Variants in FRMPD4 observed in about 807,000 individuals in gnomAD.
FRMPD4 encodes the protein FERM and PDZ domain-containing protein 4.
FRMPD4 carries 22 observed loss-of-function variants against 94.1 expected under a neutral mutation model. That is an observed-to-expected ratio of 0.23 (90% CI 0.17 to 0.33). The LOEUF (loss-of-function observed/expected upper bound fraction) is 0.33, where lower values mean the gene tolerates loss of function less well. FRMPD4 is among the 10% of genes least tolerant of loss of function. FRMPD4 has a pLI of 1.00. For missense variants in FRMPD4, 1,111 were observed against 1,339.9 expected (o/e 0.83, Z 2.67); for synonymous variants, 631 against 548.6 (o/e 1.15, Z -2.10).
intron 3 of FRMPD4, among the ~76,000 whole-genome samples, chrX:11,931,145 T>C (rs150006538): frequency 1.3e-4 from 15 of 112,140 alleles, no homozygotes; most frequent in African/African-American, 3.9e-4. Context: ...CCATACAGTA[T>C]ATGTAATACT....
Position 12,342,897 on chromosome X carries a change from A to G in FRMPD4, c.42-155783A>G, listed in dbSNP as rs779310216. The stretch of plus-strand genomic sequence containing the variant: ...TCACAGATTGGGAAACCAAGTATAC[A>G]AAGAGATTAACTTGCCCAACATCAC... On this transcript the variant is annotated intron_variant, in intron 1 of 16. Transcript: ENST00000675598. 2.7e-5 allele frequency among the ~76,000 whole-genome samples: 3 copies of G among 112,238 alleles called. No homozygotes were observed. In the East Asian group the frequency reaches 8.4e-4, roughly 32 times the overall value.
intron 1 of FRMPD4, among the ~76,000 whole-genome samples, chrX:11,824,676 A>G (rs2053431289): frequency 8.9e-6 from 1 of 112,017 alleles, no homozygotes; most frequent in Non-Finnish European, 1.9e-5. Context: ...GAAAATGGGA[A>G]AAGAGACAAA....
intron 3 of FRMPD4, among the ~76,000 whole-genome samples, chrX:12,097,970 G>A (rs1601936670): frequency 1.8e-5 from 2 of 111,988 alleles, no homozygotes; most frequent in South Asian, 7.4e-4. Context: ...GATCAATTGT[G>A]TTTAACTTTT....
At chrX:12,171,663 G>A (rs1016629105) in intron 1 of FRMPD4, among the ~76,000 whole-genome samples, 3 of 112,042 alleles carry the variant, frequency 2.7e-5, no homozygotes, top group African/African-American at 9.7e-5. Flanking sequence ...TGTTGACCCA[G>A]AAGCCAAAAC....
At chrX:12,555,980 G>A (rs1368759129) in intron 2 of FRMPD4, among the ~76,000 whole-genome samples, 1 of 110,619 alleles carries the variant, frequency 9.0e-6, no homozygotes, top group Non-Finnish European at 1.9e-5. Flanking sequence ...TCAAAGATGC[G>A]ATCATAGCTA....
chrX:12,641,921 T>A (rs1435636509), intron 4 of FRMPD4, among the ~76,000 whole-genome samples: 1 of 112,184 alleles, frequency 8.9e-6, no homozygotes, highest in Non-Finnish European at 1.9e-5. Flanking sequence ...AGACTGTATC[T>A]ATGCAGAGGA....
intron 1 of FRMPD4, among the ~76,000 whole-genome samples, chrX:12,493,179 T>C (rs1437657945): frequency 9.0e-6 from 1 of 111,273 alleles, no homozygotes; most frequent in Non-Finnish European, 1.9e-5. Flanking sequence ...TTAACCCACA[T>C]TGCATGTCAA....
chrX:12,583,538 C>T, intron 2 of FRMPD4: 3 of 1,014,571 alleles, frequency 3.0e-6, no homozygotes, highest in Non-Finnish European at 4.1e-6. Context: ...TTATGATCCT[C>T]ATAACCAAAA....
In FRMPD4 at chrX:11,911,308, A is replaced by G. The variant is rs1198014295; in HGVS notation, c.95+33290A>G. Among the ~76,000 whole-genome samples, 3 of 112,437 alleles carry G rather than the reference A, an allele frequency of 2.7e-5. 1 individual carries two copies. Among genetic ancestry groups the G allele is most frequent in the Middle Eastern group, 8.3e-3 (2 of 240 alleles). On this transcript the variant is annotated intron_variant, in intron 3 of 18. Coordinates refer to the FRMPD4 transcript ENST00000640291. ...ATACTGACTTCGTTTGTCTCTGTAC[A>G]TATGTTTGGTAACTGAGAGAGGTGA...
At chrX:12,712,709 G>A (rs965903189) in intron 14 of FRMPD4, among the ~76,000 whole-genome samples, 6 of 111,849 alleles carry the variant, frequency 5.4e-5, no homozygotes, top group Non-Finnish European at 3.8e-5. Context: ...ACTGGGTTTG[G>A]CAGTAAACAT....
At chrX:12,511,312 A>G (rs1397042704) in intron 2 of FRMPD4, among the ~76,000 whole-genome samples, 1 of 111,949 alleles carries the variant, frequency 8.9e-6, no homozygotes, top group Non-Finnish European at 1.9e-5. Context: ...ACACAGATCA[A>G]TTCTCCCTCA....
At chrX:12,641,232 A>AAG (rs2059497100) in intron 4 of FRMPD4, among the ~76,000 whole-genome samples, 3 of 111,004 alleles carry the variant, frequency 2.7e-5, no homozygotes, top group African/African-American at 9.9e-5. Flanking sequence ...GCAAACATAG[A>AAG]TGCAGTATCA....
chrX:12,104,817 A>G (rs1358737540), intron 3 of FRMPD4, among the ~76,000 whole-genome samples: 2 of 111,908 alleles, frequency 1.8e-5, no homozygotes, highest in Non-Finnish European at 3.8e-5. Context: ...CAGGGCTTCT[A>G]AAGGTTAAAT....
intron 3 of FRMPD4, among the ~76,000 whole-genome samples, chrX:12,072,205 A>G (rs1394146378): frequency 9.0e-6 from 1 of 111,613 alleles, no homozygotes; most frequent in East Asian, 2.8e-4. Flanking sequence ...GTCGACTTAT[A>G]GCTGGGAACA....
At chrX:12,493,965 A>G (rs1433729835) in intron 1 of FRMPD4, among the ~76,000 whole-genome samples, 2 of 111,870 alleles carry the variant, frequency 1.8e-5, no homozygotes, top group Non-Finnish European at 3.8e-5. Context: ...TACACATAAA[A>G]CTAAAACCCA....
intron 3 of FRMPD4, among the ~76,000 whole-genome samples, chrX:11,905,410 A>G (rs1476017151): frequency 1.8e-5 from 2 of 111,945 alleles, no homozygotes; most frequent in African/African-American, 6.5e-5. Flanking sequence ...ATATTAAACC[A>G]GGAATTCCCT....
At chrX:11,854,826 G>T (rs925246957) in intron 1 of FRMPD4, among the ~76,000 whole-genome samples, 1 of 111,815 alleles carries the variant, frequency 8.9e-6, no homozygotes, top group Non-Finnish European at 1.9e-5. Context: ...GGTGCATGGT[G>T]CAAGCTGTTG....
rs760984937 is a variant in FRMPD4 at position 12,717,778 on chromosome X, G to A, written c.2952G>A (p.Val984=). Reference sequence around the variant, plus strand: ...CAACCGACCTCCCGCCCAAAGTTGTGCCTTCCAAGCAGTTACTTCACTCAG... The same window carrying A: ...CAACCGACCTCCCGCCCAAAGTTGTACCTTCCAAGCAGTTACTTCACTCAG... ...RPATDLPPKV[V]PSKQLLHSDH... Residue 984 remains valine, a synonymous_variant, in exon 16 of 17, where the codon GTG becomes GTA. Transcript: ENST00000675598. The A allele has an allele frequency of 7.1e-5, 86 of 1,210,647 alleles. No homozygotes were observed. Among genetic ancestry groups the A allele is most frequent in the Non-Finnish European group, 9.4e-5 (84 of 895,311 alleles).
intron 1 of FRMPD4, among the ~76,000 whole-genome samples, chrX:12,273,099 A>G (rs2054379692): frequency 9.0e-6 from 1 of 110,992 alleles, no homozygotes; most frequent in African/African-American, 3.3e-5. Context: ...AGAAAAAAAA[A>G]TAACTGTCAC....
Sources: gnomAD v4.1 joint callset for allele counts (sites outside exome capture counted in the v4.1 genomes callset) on GRCh38, gnomAD v4.1.1 for gene constraint, MANE v1.5 for transcripts, NCBI Gene and HGNC (gene_info 2026-07-23, HGNC 2026-07-21) for gene names.